Variants in MAPRE2 observed in about 807,000 individuals in gnomAD.
MAPRE2 encodes the protein microtubule associated protein RP/EB family member 2.
Under a neutral mutation model 43.2 loss-of-function variants are expected in MAPRE2, and 13 were observed. The ratio of observed to expected loss-of-function variants is 0.30; its 90% CI spans 0.20 to 0.48. The LOEUF (loss-of-function observed/expected upper bound fraction) is 0.48, where lower values mean the gene tolerates loss of function less well. Ranked by LOEUF, MAPRE2 falls within the 20% of genes least tolerant of loss-of-function variation. The probability of loss-of-function intolerance (pLI) is 0.99; values close to 1 mark genes in which losing one functional copy is unlikely to be tolerated. For synonymous variants in MAPRE2, 135 were observed against 148.8 expected (o/e 0.91, Z 0.68); for missense variants, 161 against 400.2 (o/e 0.40, Z 5.10).
At chr18:35,073,165 T>A (rs1378223792) in intron 2 of MAPRE2, among the ~76,000 whole-genome samples, 1 of 152,180 alleles carries the variant, frequency 6.6e-6, no homozygotes, top group Non-Finnish European at 1.5e-5. Flanking sequence ...GAGCTTGCAG[T>A]ACATTTTACC....
In MAPRE2 at chr18:35,102,171, A is replaced by T; in HGVS notation, c.610+12A>T. On this transcript the variant is annotated intron_variant, in intron 4 of 6. Coordinates refer to ENST00000300249, the MANE Select transcript of MAPRE2 (RefSeq NM_014268.4). ...CTCCCCCACAGCAGGTATTGTCACAATGAGATTGCGGGAGTTGCTTTCATC... is the reference window on the plus strand; with the variant it reads ...CTCCCCCACAGCAGGTATTGTCACATTGAGATTGCGGGAGTTGCTTTCATC... 1 of 1,567,858 alleles carries T rather than the reference A, an allele frequency of 6.4e-7. No homozygotes were observed.
intron 1 of MAPRE2, among the ~76,000 whole-genome samples, chr18:34,984,810 A>C (rs1307822810): frequency 3.3e-5 from 1 of 30,738 alleles, no homozygotes; most frequent in Non-Finnish European, 8.7e-5. Context: ...ATAATTATAT[A>C]ATACTAAAAA....
chr18:35,073,601 T>TA (rs527343498), intron 2 of MAPRE2, among the ~76,000 whole-genome samples: 161 of 152,340 alleles, frequency 1.1e-3, no homozygotes, highest in African/African-American at 3.6e-3. Flanking sequence ...CCTGAAGACT[T>TA]ACGCTCCAAT....
intron 1 of MAPRE2, among the ~76,000 whole-genome samples, chr18:35,050,500 T>C (rs10502640): frequency 0.055 from 8,435 of 152,268 alleles, 374 homozygotes; most frequent in East Asian, 0.22. Context: ...ACATTGAAGC[T>C]GCCTGTGTGT....
rs1269875848 is a variant in MAPRE2, at chr18:34,978,531, G to C, written c.-70+1452G>C. ...GGACACTGTGGAATGAAACAGAACA[G>C]AGATCAAAAGGTAATCTGAAGAATG... is the stretch of plus-strand genomic sequence containing the variant. On this transcript the variant is annotated intron_variant, in intron 1 of 7. Transcript: ENST00000413393. 28 of 1,551,714 alleles carry C rather than the reference G, an allele frequency of 1.8e-5. No homozygotes were observed. In the South Asian group the frequency reaches 3.3e-4, roughly 18 times the overall value.
intron 2 of MAPRE2, among the ~76,000 whole-genome samples, chr18:35,026,360 T>C (rs1256310806): frequency 6.6e-6 from 1 of 152,204 alleles, no homozygotes; most frequent in African/African-American, 2.4e-5. Context: ...TACTGTGTAT[T>C]GTCTAAACCA....
chr18:34,977,274 T>G (rs1278213880), intron 1 of MAPRE2, among the ~76,000 whole-genome samples: 1 of 152,104 alleles, frequency 6.6e-6, no homozygotes, highest in South Asian at 2.1e-4. Flanking sequence ...CTAGGCGGTC[T>G]CCGGGTGTGC....
At chr18:35,128,034 T>G (rs566395638) in intron 5 of MAPRE2, among the ~76,000 whole-genome samples, 1 of 152,342 alleles carries the variant, frequency 6.6e-6, no homozygotes, top group African/African-American at 2.4e-5. Flanking sequence ...ACTGGGCCCG[T>G]CGTGGTGATT....
At chr18:35,136,383 C>T (rs1203908456) in intron 6 of MAPRE2, among the ~76,000 whole-genome samples, 1 of 152,168 alleles carries the variant, frequency 6.6e-6, no homozygotes, top group African/African-American at 2.4e-5. Flanking sequence ...AAAGACCCAA[C>T]CCTACCTCAG....
intron 1 of MAPRE2, among the ~76,000 whole-genome samples, chr18:34,993,691 C>T (rs1217471416): frequency 6.6e-6 from 1 of 152,144 alleles, no homozygotes; most frequent in Non-Finnish European, 1.5e-5. Flanking sequence ...AAAGCCTTCT[C>T]CTGGCCAGGC....
At chr18:35,041,744 ACTGC>A in intron 1 of MAPRE2, 83 bp downstream of exon 1, 1 of 1,601,880 alleles carries the variant, frequency 6.2e-7, no homozygotes, top group Non-Finnish European at 8.5e-7. Context: ...TGGAGCAGAC[ACTGC>A]CTGCGACCCC....
intron 4 of MAPRE2, among the ~76,000 whole-genome samples, chr18:35,108,160 C>G (rs1356260380): frequency 6.6e-6 from 1 of 152,148 alleles, no homozygotes; most frequent in African/African-American, 2.4e-5. Flanking sequence ...GTATGATGTT[C>G]CCCTCCCTGT....
chr18:35,056,618 T>C (rs544871983), intron 1 of MAPRE2, among the ~76,000 whole-genome samples: 50 of 151,404 alleles, frequency 3.3e-4, no homozygotes, highest in Non-Finnish European at 5.6e-4. Context: ...TTTTAACACA[T>C]GTATCTACTC....
At chr18:34,983,153 T>G (rs1436832533) in intron 1 of MAPRE2, among the ~76,000 whole-genome samples, 1 of 152,220 alleles carries the variant, frequency 6.6e-6, no homozygotes, top group Non-Finnish European at 1.5e-5. Flanking sequence ...TCTTTTTTGT[T>G]TTTGTTTTTG....
At chr18:35,026,519 TA>T (rs779109299) in intron 2 of MAPRE2, among the ~76,000 whole-genome samples, 125 of 152,212 alleles carry the variant, frequency 8.2e-4, no homozygotes, top group African/African-American at 3.0e-3. Flanking sequence ...TTTTTTTTTT[TA>T]GTTGCTTCCA....
chr18:35,106,092 C>T (rs1054190030), intron 4 of MAPRE2, among the ~76,000 whole-genome samples: 1 of 152,086 alleles, frequency 6.6e-6, no homozygotes, highest in South Asian at 2.1e-4. Flanking sequence ...TGATGGTCAG[C>T]GGTCTGGAAA....
chr18:35,089,523 C>A (rs1296349140), intron 2 of MAPRE2, among the ~76,000 whole-genome samples: 3 of 141,994 alleles, frequency 2.1e-5, no homozygotes, highest in Non-Finnish European at 4.5e-5. Flanking sequence ...CCAAAGAAGA[C>A]ATACAAATGG....
intron 2 of MAPRE2, among the ~76,000 whole-genome samples, chr18:35,075,759 A>G (rs1340444910): frequency 1.3e-5 from 2 of 152,132 alleles, no homozygotes; most frequent in African/African-American, 4.8e-5. Context: ...GGGGACAAAA[A>G]AAAAAGAGTT....
chr18:34,977,157 C>A (rs1375160242), intron 1 of MAPRE2: 1 of 152,848 alleles, frequency 6.5e-6, no homozygotes, highest in African/African-American at 2.4e-5. Context: ...CCTCCCAGGC[C>A]AGGGGCTGGC....
Sources: allele counts gnomAD v4.1 joint callset (sites outside exome capture counted in the v4.1 genomes callset), GRCh38; gene constraint gnomAD v4.1.1; transcripts MANE v1.5; gene names NCBI Gene and HGNC (gene_info 2026-07-23, HGNC 2026-07-21).